ZNF383: variants seen among roughly 807,000 people sequenced by gnomAD.
The protein encoded by ZNF383 is zinc finger protein 383.
In ZNF383, 32 loss-of-function variants were observed where a neutral mutation model predicts 44.2. The ratio of observed to expected loss-of-function variants is 0.72; its 90% CI spans 0.55 to 0.97. The LOEUF is 0.97. ZNF383 is among the 50% of genes least tolerant of loss of function. The pLI is 0.00. For missense variants in ZNF383, 487 were observed against 562.5 expected, an observed-to-expected ratio of 0.87 and a Z score of 1.36; for synonymous variants, 155 against 186.2, an observed-to-expected ratio of 0.83 and a Z score of 1.36.
Position 37,243,401 on chromosome 19 carries a change from G to C in ZNF383, c.1165G>C (p.Ala389Pro). The change falls in exon 6 of 6, where the codon GCT (alanine) becomes CCT (proline). Residue 389 changes from alanine to proline, a missense_variant. Coordinates refer to ENST00000684119, the MANE Select transcript of ZNF383 (RefSeq NM_001387601.1). ...SQLRQHQRIH[A>P]GEKPFECLEC... The stretch of plus-strand genomic sequence containing the variant: ...GCTTCGTCAACATCAGAGAATTCAC[G>C]CTGGTGAGAAACCCTTTGAATGTCT... 1 of 1,613,504 alleles carries C rather than the reference G, an allele frequency of 6.2e-7. No individual in the cohort carries two copies. Among genetic ancestry groups the C allele is most frequent in the Non-Finnish European group, 8.5e-7 (1 of 1,179,904 alleles).
chr19:37,236,255 T>TA (rs1325600116), intron 5 of ZNF383, among the ~76,000 whole-genome samples, 181 bp downstream of exon 5: 1 of 152,014 alleles, frequency 6.6e-6, no homozygotes, highest in Admixed American at 6.6e-5. Context: ...TTTCCTCACT[T>TA]ACCACTATTT....
chr19:37,222,314 G>A (rs142837318), intron 1 of ZNF383, among the ~76,000 whole-genome samples: 148 of 152,132 alleles, frequency 9.7e-4, no homozygotes, highest in African/African-American at 3.2e-3. Context: ...GTTAGTTATA[G>A]GTGATATAAT....
chr19:37,236,814 C>A (rs375538471), intron 5 of ZNF383, among the ~76,000 whole-genome samples: 1 of 151,898 alleles, frequency 6.6e-6, no homozygotes, highest in Non-Finnish European at 1.5e-5. Flanking sequence ...ATGATCTACC[C>A]GCCTCAGCCT....
chr19:37,225,820 C>T (rs529862370), intron 2 of ZNF383, among the ~76,000 whole-genome samples: 112 of 147,890 alleles, frequency 7.6e-4, no homozygotes, highest in African/African-American at 2.5e-3. Flanking sequence ...GAAGGAGTCT[C>T]GCTCTTGTCA....
In ZNF383 at chr19:37,242,810, C is replaced by T. The variant is rs1974185683; in HGVS notation, c.574C>T (p.His192Tyr). 1.9e-6 allele frequency: 3 copies of T among 1,614,076 alleles called. No individual in the cohort carries two copies. The East Asian group carries it at 6.7e-5, about 36-fold the overall frequency. Reference protein sequence around the residue: ...NSQFIQHQRIHIGEKSYECKE... With the variant: ...NSQFIQHQRIYIGEKSYECKE... ...ACAATTTATTCAACATCAGAGAATT[C>T]ATATTGGTGAAAAATCTTATGAATG... The change falls in exon 6 of 6, where the codon CAT (histidine) becomes TAT (tyrosine). Residue 192 changes from histidine to tyrosine, a missense_variant. Coordinates refer to ENST00000684119, the MANE Select transcript of ZNF383 (RefSeq NM_001387601.1).
chr19:37,243,501 A>T lies in ZNF383; in HGVS notation c.1265A>T (p.Tyr422Phe), dbSNP rs757050546. ...AGAATTCATACAGATGAAAAACCAT[A>T]TGAATGTAATGAATGTGGAAAGGCC... ...HQRIHTDEKP[Y>F]ECNECGKAFN... The change falls in exon 6 of 6, where the codon TAT becomes TTT. Residue 422 changes from tyrosine to phenylalanine, a missense_variant. Physicochemically the swap from Tyr to Phe is conservative, Grantham distance 22. Transcript: ENST00000684119. 6.2e-7 allele frequency: 1 copy of T among 1,614,020 alleles called. No homozygotes were observed. Among genetic ancestry groups the T allele is most frequent in the African/African-American group, 1.3e-5 (1 of 75,000 alleles).
rs1249793772 is a variant in ZNF383, at chr19:37,246,161, G to T, written c.*2497G>T. The T allele has an allele frequency of 6.6e-6, 1 of 152,152 alleles. No individual in the cohort carries two copies. The highest frequency in any genetic ancestry group is 1.5e-5 in the Non-Finnish European group (1 of 68,032). 9.4% of individuals were successfully genotyped at this position (152,152 alleles called of 1,614,324 possible). ...AAGGCTGTATGTATTGGATTGCTGT[G>T]AAGAGTCAATGAATTAATAAATGCA... On this transcript the variant is annotated 3_prime_UTR_variant, in exon 6 of 6. Transcript: ENST00000684119.
chr19:37,245,041 C>CCAGCA lies in ZNF383; in HGVS notation c.*1379_*1383dup, dbSNP rs1324883363. On this transcript the variant is annotated 3_prime_UTR_variant, in exon 6 of 6. Transcript: ENST00000684119. ...GGCACAGTGGCTCATGCCTGTAATC[C>CCAGCA]CAGCACTTTGGGAGGCCGAGGTGGG... 1 of 152,096 alleles carries CCAGCA rather than the reference C, an allele frequency of 6.6e-6. No homozygotes were observed. Among genetic ancestry groups the CCAGCA allele is most frequent in the African/African-American group, 2.4e-5 (1 of 41,416 alleles). 9.4% of individuals were successfully genotyped at this position (152,096 alleles called of 1,614,324 possible).
intron 5 of ZNF383, 70 bp downstream of exon 5, chr19:37,236,144 G>T: frequency 8.4e-7 from 1 of 1,190,812 alleles, no homozygotes; most frequent in Non-Finnish European, 1.2e-6. Flanking sequence ...GGAGGAAACA[G>T]CACCTTTGAG....
rs146607823 is a variant in ZNF383, at chr19:37,220,129, T to C, written c.-168+1855T>C. On this transcript the variant is annotated intron_variant, in intron 1 of 5. Transcript: ENST00000684119. ...CCTTCTAGTAAGTTTCCTATGCACA[T>C]ATACATTGTTTTCAAGATTGGAATC... 3.3e-3 allele frequency among the ~76,000 whole-genome samples: 509 copies of C among 152,386 alleles called. 7 individuals are homozygous for C. The highest frequency in any genetic ancestry group is 0.012 in the African/African-American group (486 of 41,598).
intron 5 of ZNF383, among the ~76,000 whole-genome samples, chr19:37,238,589 C>G (rs901937949): frequency 6.6e-6 from 1 of 151,962 alleles, no homozygotes; most frequent in Non-Finnish European, 1.5e-5. Flanking sequence ...GCCAAGTACT[C>G]GAGTTCAGAG....
chr19:37,236,992 CACAGAG>C (rs1973843614), intron 5 of ZNF383, among the ~76,000 whole-genome samples: 2 of 143,836 alleles, frequency 1.4e-5, no homozygotes, highest in African/African-American at 5.4e-5. Flanking sequence ...CACACACACA[CACAGAG>C]ACACACACAC....
Position 37,243,785 on chromosome 19 carries a change from C to A in ZNF383, c.*121C>A. On this transcript the variant is annotated 3_prime_UTR_variant, in exon 6 of 6. Coordinates refer to ENST00000684119, the MANE Select transcript of ZNF383 (RefSeq NM_001387601.1). ...TTAAATTTTGTATCCAAATGTATTT[C>A]ATTCCAGGTTATAAATTCGGAGTCT... 1.5e-6 allele frequency: 1 copy of A among 658,248 alleles called. No homozygotes were observed. The highest frequency in any genetic ancestry group is 2.4e-6 in the Non-Finnish European group (1 of 421,194). The allele number at this position is 658,248 out of a possible 1,614,324, so 40.8% of individuals were successfully genotyped here.
chr19:37,221,955 CAAAA>C (rs71177435), intron 1 of ZNF383, among the ~76,000 whole-genome samples: 2 of 93,960 alleles, frequency 2.1e-5, no homozygotes. Flanking sequence ...GACTCTGTCT[CAAAA>C]AAAAAAAAAA....
At chr19:37,228,289 C>T (rs1462902006) in intron 2 of ZNF383, among the ~76,000 whole-genome samples, 1 of 152,032 alleles carries the variant, frequency 6.6e-6, no homozygotes, top group Non-Finnish European at 1.5e-5. Flanking sequence ...TATCGTGTCC[C>T]TTTAGTTTTT....
chr19:37,226,326 A>G (rs1973167863), intron 2 of ZNF383: 2 of 152,270 alleles, frequency 1.3e-5, no homozygotes, highest in Admixed American at 1.3e-4. Context: ...TGGTACATTT[A>G]TTACAACTAA....
In ZNF383 at chr19:37,248,310, A is replaced by G. The variant is rs368286916; in HGVS notation, c.*4646A>G. 2.0e-4 allele frequency: 31 copies of G among 152,346 alleles called. No homozygotes were observed. In the South Asian group the frequency reaches 6.4e-3, roughly 32 times the overall value. 9.4% of individuals were successfully genotyped at this position (152,346 alleles called of 1,614,324 possible). Reference sequence around the variant, plus strand: ...ATTATCTATTTTTAAAATTTGTCATAATCCTGATGTTACAACCTACTAGAA... The same window carrying G: ...ATTATCTATTTTTAAAATTTGTCATGATCCTGATGTTACAACCTACTAGAA... On this transcript the variant is annotated 3_prime_UTR_variant, in exon 6 of 6. Transcript: ENST00000684119.
chr19:37,229,700 A>ATG (rs772844484), intron 2 of ZNF383, among the ~76,000 whole-genome samples: 1 of 55,592 alleles, frequency 1.8e-5, no homozygotes, highest in Non-Finnish European at 3.1e-5. Context: ...ATATATATGT[A>ATG]TATATATATG....
intron 5 of ZNF383, among the ~76,000 whole-genome samples, chr19:37,237,588 G>A (rs1238601372): frequency 6.6e-6 from 1 of 152,134 alleles, no homozygotes; most frequent in African/African-American, 2.4e-5. Flanking sequence ...AAATGTCTTA[G>A]TCCATTTTGT....
Sources: gnomAD v4.1 joint callset for allele counts (sites outside exome capture counted in the v4.1 genomes callset) on GRCh38, gnomAD v4.1.1 for gene constraint, MANE v1.5 for transcripts, NCBI Gene and HGNC (gene_info 2026-07-23, HGNC 2026-07-21) for gene names.